The following ZMIZ1 variants were observed in gnomAD, a reference collection of about 807,000 sequenced individuals.
ZMIZ1 encodes zinc finger MIZ domain-containing protein 1.
A neutral mutation model predicts 113.9 loss-of-function variants in ZMIZ1; 17 were observed. The ratio of observed to expected loss-of-function variants is 0.15; its 90% CI spans 0.10 to 0.22. The LOEUF (loss-of-function observed/expected upper bound fraction) is 0.22. Among genes scored for constraint, ZMIZ1 ranks in the 10% least tolerant of loss-of-function variants. ZMIZ1 has a pLI of 1.00. For synonymous variants in ZMIZ1, 607 were observed against 603.1 expected (o/e 1.01, Z -0.09); for missense variants, 1,059 against 1,477.8 (o/e 0.72, Z 4.65).
chr10:79,210,809 TGGG>T (rs1408407300), intron 6 of ZMIZ1, among the ~76,000 whole-genome samples: 1 of 152,108 alleles, frequency 6.6e-6, no homozygotes, highest in Non-Finnish European at 1.5e-5. Flanking sequence ...ATGATTTGTA[TGGG>T]GGCAGGAGCT....
At position 79,108,183 on chromosome 10, in the gene ZMIZ1, A is replaced by T. The variant is rs556014018; in HGVS notation, c.-336-10732A>T. On this transcript the variant is annotated intron_variant, in intron 1 of 24. Transcript: ENST00000334512. ...GATGGTTGTATTATTAATAGTCATAATTAATCAGCATCCACAGAGGAGCTT... is the reference window on the plus strand; with the variant it reads ...GATGGTTGTATTATTAATAGTCATATTTAATCAGCATCCACAGAGGAGCTT... Among the ~76,000 whole-genome samples, 59 of 152,268 alleles carry T rather than the reference A, an allele frequency of 3.9e-4. No homozygotes were observed. In the South Asian group the frequency reaches 0.012, roughly 31 times the overall value.
rs995533533 is a variant in ZMIZ1 at position 79,118,763 on chromosome 10, C to T, written c.-336-152C>T. Among the ~76,000 whole-genome samples, 4 of 152,164 alleles carry T rather than the reference C, an allele frequency of 2.6e-5. No individual in the cohort carries two copies. Among genetic ancestry groups the T allele is most frequent in the South Asian group, 2.1e-4 (1 of 4,830 alleles). On this transcript the variant is annotated intron_variant, in intron 1 of 24. Coordinates refer to ENST00000334512, the MANE Select transcript of ZMIZ1 (RefSeq NM_020338.4). This position sits in a 1 kb window ranked among gnomAD's most constrained non-coding sequence, Gnocchi z 4.1. ...CGACCTTTATTTGGCAGTGGCAGGA[C>T]GGTATCCAGTGTCTCGAGTAGCTCC...
intron 7 of ZMIZ1, among the ~76,000 whole-genome samples, chr10:79,267,238 C>T (rs989566115): frequency 2.0e-5 from 3 of 152,194 alleles, no homozygotes; most frequent in South Asian, 4.1e-4. Context: ...GGGAAGGGGG[C>T]ACTGTCTGCC....
intron 2 of ZMIZ1, among the ~76,000 whole-genome samples, chr10:79,127,344 A>G (rs1844562631): frequency 6.6e-6 from 1 of 152,172 alleles, no homozygotes; most frequent in African/African-American, 2.4e-5. Context: ...GCAGAGCGCC[A>G]GCCATGGGCT....
intron 15 of ZMIZ1, among the ~76,000 whole-genome samples, chr10:79,298,828 G>A (rs552336952): frequency 6.6e-6 from 1 of 152,364 alleles, no homozygotes; most frequent in South Asian, 2.1e-4. Flanking sequence ...ATGCAAGGAG[G>A]CGGGTGGAAG....
At chr10:79,282,863 C>G (rs1386983148) in intron 8 of ZMIZ1, among the ~76,000 whole-genome samples, 1 of 152,226 alleles carries the variant, frequency 6.6e-6, no homozygotes, top group Admixed American at 6.5e-5. Context: ...CACAGATACC[C>G]AGGATACTAT....
At chr10:79,305,479 C>T in intron 20 of ZMIZ1, 54 bp from the exon 21 acceptor site, 1 of 1,594,566 alleles carries the variant, frequency 6.3e-7, no homozygotes, top group East Asian at 2.2e-5. Context: ...TGGGCTTTGC[C>T]CCTACCTCCT....
At chr10:79,159,541 TTCC>T (rs1166680988) in intron 3 of ZMIZ1, among the ~76,000 whole-genome samples, 11 of 152,206 alleles carry the variant, frequency 7.2e-5, no homozygotes, top group Non-Finnish European at 1.5e-4. Context: ...CCCGGCTGTG[TTCC>T]TGTGGGCTGC....
At chr10:79,141,499 C>T (rs1001938511) in intron 3 of ZMIZ1, among the ~76,000 whole-genome samples, 2 of 152,098 alleles carry the variant, frequency 1.3e-5, no homozygotes, top group Non-Finnish European at 2.9e-5. Flanking sequence ...CCTCGACCTC[C>T]CCAGCTGAAG....
At chr10:79,242,581 C>G (rs2132839343) in intron 7 of ZMIZ1, among the ~76,000 whole-genome samples, 1 of 150,104 alleles carries the variant, frequency 6.7e-6, no homozygotes, top group Admixed American at 6.6e-5. Flanking sequence ...GCCGAGGCCC[C>G]CTCCAGTTCA....
intron 5 of ZMIZ1, among the ~76,000 whole-genome samples, chr10:79,205,506 A>T (rs1848282141): frequency 6.6e-6 from 1 of 152,318 alleles, no homozygotes; most frequent in African/African-American, 2.4e-5. Flanking sequence ...AGAAACAGAG[A>T]ACCGTGGAGG....
At chr10:79,101,422 C>T (rs1173490213) in intron 1 of ZMIZ1, among the ~76,000 whole-genome samples, 1 of 152,134 alleles carries the variant, frequency 6.6e-6, no homozygotes, top group African/African-American at 2.4e-5. Context: ...CTCTTGAAGC[C>T]AGGCCAGCAG....
At position 79,119,772 on chromosome 10, in the gene ZMIZ1, G is replaced by A. The variant is rs541059289; in HGVS notation, c.-227+748G>A. ...GACCCATTTGTGATGTGATGTGGCA[G>A]GGACCAGGCCTGGCCTCTGGGTGCC... On this transcript the variant is annotated intron_variant, in intron 2 of 24. Coordinates refer to ENST00000334512, the MANE Select transcript of ZMIZ1 (RefSeq NM_020338.4). Among the ~76,000 whole-genome samples the A allele has an allele frequency of 1.6e-4, 25 of 152,320 alleles. 1 individual carries two copies. In the South Asian group the frequency reaches 5.2e-3, roughly 32 times the overall value.
chr10:79,296,615 T>C lies in ZMIZ1; in HGVS notation c.1375T>C (p.Tyr459His), dbSNP rs1380312255. 2 of 1,598,352 alleles carry C rather than the reference T, an allele frequency of 1.3e-6. No homozygotes were observed. The highest frequency in any genetic ancestry group is 3.4e-5 in the Admixed American group (2 of 58,290). Reference protein sequence around the residue: ...RMPSQPSSGQYPPPTVNMGQY... With the variant: ...RMPSQPSSGQHPPPTVNMGQY... ...GCCCAGCCAGCCGAGCTCCGGGCAG[T>C]ACCCGCCCCCCACGGTCAACATGGG... The change falls in exon 13 of 25, where the codon TAC becomes CAC. Residue 459 changes from tyrosine to histidine, a missense_variant. Tyr to His is a moderately conservative substitution (Grantham distance 83). Transcript: ENST00000334512. The surrounding 1 kb of genome is among the most constrained non-coding windows in gnomAD (Gnocchi z 4.1).
chr10:79,155,202 G>A (rs751856203), intron 3 of ZMIZ1, among the ~76,000 whole-genome samples: 5 of 152,196 alleles, frequency 3.3e-5, no homozygotes, highest in Non-Finnish European at 7.4e-5. Context: ...TTCATTTGGT[G>A]ACTTGGGGAG....
intron 8 of ZMIZ1, among the ~76,000 whole-genome samples, chr10:79,284,893 TAAAG>T (rs1367320682): frequency 6.6e-6 from 1 of 152,214 alleles, no homozygotes; most frequent in Non-Finnish European, 1.5e-5. Context: ...ATTTAGTGTA[TAAAG>T]AAATTCTTTC....
intron 7 of ZMIZ1, among the ~76,000 whole-genome samples, chr10:79,244,129 C>A (rs568275434): frequency 1.3e-5 from 2 of 152,378 alleles, no homozygotes; most frequent in South Asian, 4.1e-4. Flanking sequence ...TCCTCGACTT[C>A]AAGCTGCTCC....
intron 7 of ZMIZ1, among the ~76,000 whole-genome samples, chr10:79,268,030 C>G (rs569964874): frequency 1.3e-5 from 2 of 152,322 alleles, no homozygotes; most frequent in South Asian, 4.1e-4. Flanking sequence ...GGTCCCAGGA[C>G]CCTGTGTTTG....
At chr10:79,265,284 G>A (rs1418732583) in intron 7 of ZMIZ1, among the ~76,000 whole-genome samples, 1 of 152,034 alleles carries the variant, frequency 6.6e-6, no homozygotes, top group Non-Finnish European at 1.5e-5. Context: ...AGGGAAGCAG[G>A]TAGGGCAGGG....
Sources: allele counts gnomAD v4.1 joint callset (sites outside exome capture counted in the v4.1 genomes callset), GRCh38; gene constraint gnomAD v4.1.1; non-coding constraint Gnocchi (gnomAD v3.1); transcripts MANE v1.5; gene names NCBI Gene and HGNC (gene_info 2026-07-23, HGNC 2026-07-21).